VPS8: variants seen among roughly 807,000 people sequenced by gnomAD.
VPS8 encodes VPS8 subunit of CORVET complex.
In VPS8, 129 loss-of-function variants were observed where a neutral mutation model predicts 216.4. The ratio of observed to expected loss-of-function variants is 0.60; its 90% CI spans 0.52 to 0.69. The LOEUF (loss-of-function observed/expected upper bound fraction) is 0.69, where lower values mean the gene tolerates loss of function less well. Ranked by LOEUF, VPS8 falls within the 30% of genes least tolerant of loss-of-function variation. VPS8 has a pLI of 0.00. For missense variants in VPS8, 1,531 were observed against 1,683.5 expected (o/e 0.91, Z 1.59); for synonymous variants, 571 against 565.4 (o/e 1.01, Z -0.14).
chr3:184,982,820 A>G (rs1220464033), intron 41 of VPS8, among the ~76,000 whole-genome samples, 173 bp downstream of exon 41: 2 of 152,022 alleles, frequency 1.3e-5, no homozygotes, highest in Admixed American at 1.3e-4. Flanking sequence ...CTGATGTTCC[A>G]CTCATATAAT....
intron 37 of VPS8, among the ~76,000 whole-genome samples, chr3:184,961,755 T>G (rs1230758850): frequency 6.6e-6 from 1 of 151,448 alleles, no homozygotes; most frequent in Non-Finnish European, 1.5e-5. Context: ...TTTGTTTTTG[T>G]TTTTGTTTTT....
At chr3:184,900,782 A>T in intron 24 of VPS8, 139 bp from the exon 25 acceptor site, 1 of 711,114 alleles carries the variant, frequency 1.4e-6, no homozygotes, top group Admixed American at 3.3e-5. Flanking sequence ...TCATGTACAG[A>T]TTAAAGGTTT....
intron 14 of VPS8, among the ~76,000 whole-genome samples, chr3:184,857,479 T>G (rs2108697026): frequency 6.6e-6 from 1 of 152,356 alleles, no homozygotes; most frequent in East Asian, 1.9e-4. Flanking sequence ...AGATCCAATA[T>G]GATGAGAAGG....
At chr3:185,051,835 C>T in intron 47 of VPS8, 41 bp from the exon 48 acceptor site, 1 of 1,525,102 alleles carries the variant, frequency 6.6e-7, no homozygotes, top group Admixed American at 2.1e-5. Context: ...CTTCCCTCTG[C>T]TCCCCACAAA....
At chr3:185,012,917 G>C (rs1041486527) in intron 45 of VPS8, among the ~76,000 whole-genome samples, 1 of 150,230 alleles carries the variant, frequency 6.7e-6, no homozygotes, top group African/African-American at 2.5e-5. Flanking sequence ...CTGACAGCAA[G>C]CCAGTGATAA....
At chr3:184,947,759 G>A (rs1743960352) in intron 36 of VPS8, among the ~76,000 whole-genome samples, 1 of 152,104 alleles carries the variant, frequency 6.6e-6, no homozygotes, top group South Asian at 2.1e-4. Flanking sequence ...GATTCTGACA[G>A]ATTTTTCTGG....
intron 21 of VPS8, among the ~76,000 whole-genome samples, chr3:184,876,046 A>G (rs1180459119): frequency 6.6e-6 from 1 of 151,110 alleles, no homozygotes; most frequent in Non-Finnish European, 1.5e-5. Context: ...CCCTTAACCT[A>G]TTCCATGTCT....
intron 32 of VPS8, among the ~76,000 whole-genome samples, chr3:184,929,348 C>G (rs1578292607): frequency 6.6e-6 from 1 of 152,008 alleles, no homozygotes; most frequent in African/African-American, 2.4e-5. Flanking sequence ...CACATGCCAC[C>G]ATACCTGGCT....
intron 3 of VPS8, 118 bp downstream of exon 3, chr3:184,826,349 G>A (rs1047695002): frequency 1.8e-5 from 10 of 569,170 alleles, no homozygotes; most frequent in South Asian, 1.7e-4. Context: ...GCCACTAGTC[G>A]TGTGTGTCAG....
Position 184,890,995 on chromosome 3 carries a change from C to A in VPS8, c.1782-3708C>A, listed in dbSNP as rs535679676. Among the ~76,000 whole-genome samples the A allele has an allele frequency of 3.3e-5, 5 of 151,666 alleles. No homozygotes were observed. In the South Asian group the frequency reaches 1.0e-3, roughly 32 times the overall value. ...ATATGTTAGCATATATATGGGTAGC[C>A]CTAATGTCAGTTTTACTTTGAAAAT... On this transcript the variant is annotated intron_variant, in intron 22 of 47. Transcript: ENST00000625842.
intron 29 of VPS8, among the ~76,000 whole-genome samples, chr3:184,923,092 G>A (rs909813343): frequency 2.0e-5 from 3 of 152,100 alleles, no homozygotes; most frequent in African/African-American, 7.2e-5. Context: ...GCAAGAAGTA[G>A]GTCAAAAGCT....
intron 40 of VPS8, among the ~76,000 whole-genome samples, chr3:184,972,369 C>T (rs1252170254): frequency 3.9e-5 from 6 of 152,156 alleles, no homozygotes; most frequent in Non-Finnish European, 8.8e-5. Flanking sequence ...AGAGATAGGT[C>T]ATCATTTATC....
chr3:184,824,792 A>C lies in VPS8; in HGVS notation c.153+7A>C, dbSNP rs1718357507. 1.9e-6 allele frequency: 3 copies of C among 1,598,098 alleles called. No homozygotes were observed. Among genetic ancestry groups the C allele is most frequent in the Non-Finnish European group, 2.6e-6 (3 of 1,171,340 alleles). ...GGAGTTCAAAAATGATCTGGTAAAA[A>C]TTTCAATTTCTGTCAAGTGATAATG... On this transcript the variant is annotated splice_region_variant and intron_variant, in intron 2 of 47. Transcript: ENST00000625842.
At chr3:184,839,093 G>C (rs757546831) in intron 6 of VPS8, 54 of 230,918 alleles carry the variant, frequency 2.3e-4, no homozygotes, top group Non-Finnish European at 3.5e-4. Context: ...GGATCACTTT[G>C]TGGAAAATAG....
intron 40 of VPS8, among the ~76,000 whole-genome samples, chr3:184,972,204 C>T (rs1748542024): frequency 6.6e-6 from 1 of 152,168 alleles, no homozygotes; most frequent in African/African-American, 2.4e-5. Context: ...GAGTAGGAGA[C>T]TCCCGAAGTT....
Position 185,052,151 on chromosome 3 carries a change from C to CACAGGAGCCCAAT in VPS8, c.*126_*127insACAGGAGCCCAAT. ...TTCTGAGAAGAGGTTCCAAATTGGG[C>CACAGGAGCCCAAT]TTCTGTGCCCAGAGCGTCCACAGCA... On this transcript the variant is annotated 3_prime_UTR_variant, in exon 48 of 48. Coordinates refer to ENST00000625842, the MANE Select transcript of VPS8 (RefSeq NM_001009921.3). 2 of 1,124,378 alleles carry CACAGGAGCCCAAT rather than the reference C, an allele frequency of 1.8e-6. No individual in the cohort carries two copies. Among genetic ancestry groups the CACAGGAGCCCAAT allele is most frequent in the Non-Finnish European group, 2.4e-6 (2 of 820,300 alleles). The allele number at this position is 1,124,378 out of a possible 1,614,324, so 69.7% of individuals were successfully genotyped here.
intron 22 of VPS8, among the ~76,000 whole-genome samples, chr3:184,886,769 C>T (rs1322158713): frequency 7.2e-5 from 11 of 151,806 alleles, no homozygotes; most frequent in East Asian, 1.9e-4. Flanking sequence ...TTAATAGAGA[C>T]GGGGTTTCAC....
At chr3:184,834,814 C>CA (rs1382444812) in intron 5 of VPS8, 72 bp downstream of exon 5, 1 of 1,153,012 alleles carries the variant, frequency 8.7e-7, no homozygotes, top group Non-Finnish European at 1.2e-6. Flanking sequence ...GAGCATAGAA[C>CA]AAAATACAGC....
chr3:184,964,434 G>A, intron 37 of VPS8, 34 bp from the exon 38 acceptor site: 1 of 1,356,634 alleles, frequency 7.4e-7, no homozygotes, highest in Non-Finnish European at 9.9e-7. Context: ...AATAAGATTG[G>A]TGAATAAAAA....
Sources: gnomAD v4.1 joint callset for allele counts (sites outside exome capture counted in the v4.1 genomes callset) on GRCh38, gnomAD v4.1.1 for gene constraint, MANE v1.5 for transcripts, NCBI Gene and HGNC (gene_info 2026-07-23, HGNC 2026-07-21) for gene names.